ATP2B1: variants seen among roughly 807,000 people sequenced by gnomAD.
The protein encoded by ATP2B1 is ATPase plasma membrane Ca2+ transporting 1, also known as plasma membrane calcium-transporting ATPase 1.
Under a neutral mutation model 124.2 loss-of-function variants are expected in ATP2B1, and 14 were observed. The ratio of observed to expected loss-of-function variants is 0.11; its 90% confidence interval spans 0.07 to 0.18. The LOEUF (loss-of-function observed/expected upper bound fraction) is 0.18, where lower values mean the gene tolerates loss of function less well. ATP2B1 is among the 10% of genes least tolerant of loss of function. The pLI is 1.00. For synonymous variants in ATP2B1, 449 were observed against 492.4 expected, an observed-to-expected ratio of 0.91 and a Z score of 1.17; for missense variants, 763 against 1,466.1, an observed-to-expected ratio of 0.52 and a Z score of 7.83.
chr12:89,700,461 G>T (rs534084061), intron 1 of ATP2B1, among the ~76,000 whole-genome samples: 1 of 152,080 alleles, frequency 6.6e-6, no homozygotes, highest in African/African-American at 2.4e-5. Flanking sequence ...AGTAGTTATA[G>T]CACTTACTTT....
intron 8 of ATP2B1, 94 bp downstream of exon 8, chr12:89,626,360 C>G (rs182679209): frequency 7.9e-5 from 106 of 1,342,812 alleles, no homozygotes; most frequent in Non-Finnish European, 9.8e-5. Flanking sequence ...ATTCACAAAG[C>G]AACAATTTCC....
chr12:89,653,269 C>T (rs192092017), intron 2 of ATP2B1, among the ~76,000 whole-genome samples: 280 of 146,438 alleles, frequency 1.9e-3, no homozygotes, highest in African/African-American at 6.7e-3. Context: ...CAACAATTCA[C>T]ATAGAATTTT....
chr12:89,693,250 A>G (rs1032473145), intron 1 of ATP2B1, among the ~76,000 whole-genome samples: 3 of 152,186 alleles, frequency 2.0e-5, no homozygotes, highest in Admixed American at 6.5e-5. Context: ...CAAGGGGAGT[A>G]TGATTTACAA....
chr12:89,707,794 A>T (rs1185660917), intron 1 of ATP2B1, among the ~76,000 whole-genome samples: 1 of 152,126 alleles, frequency 6.6e-6, no homozygotes, highest in Non-Finnish European at 1.5e-5. Context: ...GCGCAGAACC[A>T]GGGGTCGCTA....
chr12:89,639,164 G>A (rs1177081681), intron 3 of ATP2B1, among the ~76,000 whole-genome samples: 1 of 152,148 alleles, frequency 6.6e-6, no homozygotes. Flanking sequence ...TCAGTGTTGA[G>A]ATGTAACGAG....
At chr12:89,681,735 T>C (rs1453760819) in intron 1 of ATP2B1, among the ~76,000 whole-genome samples, 1 of 152,174 alleles carries the variant, frequency 6.6e-6, no homozygotes, top group Non-Finnish European at 1.5e-5. Context: ...TATAGTCCAA[T>C]ATTAGAAAAT....
At chr12:89,661,727 A>G (rs1292803482) in intron 1 of ATP2B1, among the ~76,000 whole-genome samples, 1 of 152,120 alleles carries the variant, frequency 6.6e-6, no homozygotes, top group Non-Finnish European at 1.5e-5. Context: ...AGAGATCTCC[A>G]TTTTCATTGT....
chr12:89,642,119 C>G, intron 3 of ATP2B1, 39 bp downstream of exon 3: 1 of 1,550,740 alleles, frequency 6.4e-7, no homozygotes, highest in Non-Finnish European at 8.9e-7. Flanking sequence ...ATTAGCTGAA[C>G]TAGCATCAGA....
intron 20 of ATP2B1, among the ~76,000 whole-genome samples, chr12:89,597,446 C>A (rs995301930): frequency 6.6e-6 from 1 of 152,160 alleles, no homozygotes; most frequent in African/African-American, 2.4e-5. Flanking sequence ...GTTTTCACAC[C>A]TGTAAAACAG....
Position 89,707,933 on chromosome 12 carries a change from C to T in ATP2B1, c.-222+663G>A, listed in dbSNP as rs1424480242. 3.9e-5 allele frequency among the ~76,000 whole-genome samples: 6 copies of T among 152,200 alleles called. No homozygotes were observed. The East Asian group carries it at 1.2e-3, about 29-fold the overall frequency. Reference sequence around the variant, plus strand: ...TCAAAAAGGGAGGTGGGGGCGCAGGCTTTTTTCTCTTAAACTAAGTGAATA... The same window carrying T: ...TCAAAAAGGGAGGTGGGGGCGCAGGTTTTTTTCTCTTAAACTAAGTGAATA... On this transcript the variant is annotated intron_variant, in intron 1 of 20. Coordinates refer to ENST00000428670, the MANE Select transcript of ATP2B1 (RefSeq NM_001366521.1).
At chr12:89,658,345 T>C (rs994340144) in intron 1 of ATP2B1, among the ~76,000 whole-genome samples, 1 of 152,132 alleles carries the variant, frequency 6.6e-6, no homozygotes, top group African/African-American at 2.4e-5. Flanking sequence ...ACCTCTGCCT[T>C]CTTTGGGGAG....
chr12:89,592,060 TAA>T (rs1396640979), intron 20 of ATP2B1, among the ~76,000 whole-genome samples: 1 of 152,056 alleles, frequency 6.6e-6, no homozygotes, highest in African/African-American at 2.4e-5. Flanking sequence ...CACAAAGTGT[TAA>T]AAGTTTTCTA....
intron 1 of ATP2B1, among the ~76,000 whole-genome samples, chr12:89,659,357 A>C (rs1238648902): frequency 6.7e-6 from 1 of 149,240 alleles, no homozygotes; most frequent in Non-Finnish European, 1.5e-5. Context: ...GGTATTACAA[A>C]ACACACACAC....
At chr12:89,607,290 G>A (rs1189226695) in intron 15 of ATP2B1, among the ~76,000 whole-genome samples, 1 of 152,188 alleles carries the variant, frequency 6.6e-6, no homozygotes, top group Non-Finnish European at 1.5e-5. Flanking sequence ...ACCTCTTCTA[G>A]TTAGATTGAA....
chr12:89,686,959 C>T (rs1890032917), intron 1 of ATP2B1, among the ~76,000 whole-genome samples: 2 of 151,980 alleles, frequency 1.3e-5, no homozygotes, highest in Admixed American at 1.3e-4. Flanking sequence ...AGTTGACCCT[C>T]TCTATCTGTG....
intron 1 of ATP2B1, among the ~76,000 whole-genome samples, chr12:89,694,477 T>C (rs1377134764): frequency 6.6e-6 from 1 of 152,174 alleles, no homozygotes; most frequent in Non-Finnish European, 1.5e-5. Flanking sequence ...TGGTATCAAA[T>C]ACATTGAAGG....
intron 1 of ATP2B1, among the ~76,000 whole-genome samples, chr12:89,672,497 C>T (rs1296226030): frequency 1.3e-5 from 2 of 152,018 alleles, no homozygotes; most frequent in Non-Finnish European, 2.9e-5. Flanking sequence ...AGAAACTGGG[C>T]CCTCTGATGT....
intron 1 of ATP2B1, among the ~76,000 whole-genome samples, chr12:89,701,077 G>C (rs896943223): frequency 3.3e-5 from 5 of 152,078 alleles, no homozygotes; most frequent in African/African-American, 1.2e-4. Flanking sequence ...TTGACTTCTT[G>C]GCAGCTGGAA....
At chr12:89,664,402 G>C (rs773958050) in intron 1 of ATP2B1, among the ~76,000 whole-genome samples, 23 of 152,166 alleles carry the variant, frequency 1.5e-4, no homozygotes, top group Admixed American at 2.6e-4. Context: ...TTGAACTATA[G>C]AAATTTTTGG....
Sources: allele counts gnomAD v4.1 joint callset (sites outside exome capture counted in the v4.1 genomes callset), GRCh38; gene constraint gnomAD v4.1.1; transcripts MANE v1.5; gene names NCBI Gene and HGNC (gene_info 2026-07-23, HGNC 2026-07-21).